GRIA1: variants seen among roughly 807,000 people sequenced by gnomAD.
The protein encoded by GRIA1 is glutamate receptor 1.
GRIA1 carries 31 observed loss-of-function variants against 99.2 expected under a neutral mutation model. That is an observed-to-expected ratio of 0.31 (90% CI 0.23 to 0.42). GRIA1 has a LOEUF of 0.42. Ranked by LOEUF, GRIA1 falls within the 10% of genes least tolerant of loss-of-function variation. GRIA1 has a pLI of 1.00. For synonymous variants in GRIA1, 438 were observed against 432.4 expected, an observed-to-expected ratio of 1.01 and a Z score of -0.16; for missense variants, 782 against 1,157.5, an observed-to-expected ratio of 0.68 and a Z score of 4.71.
intron 2 of GRIA1, among the ~76,000 whole-genome samples, chr5:153,555,290 A>T (rs963542524): frequency 6.6e-6 from 1 of 151,568 alleles, no homozygotes; most frequent in African/African-American, 2.4e-5. Context: ...TGATATACCT[A>T]ACTTTGAAGG....
At chr5:153,590,750 A>G (rs1763901804) in intron 2 of GRIA1, among the ~76,000 whole-genome samples, 1 of 152,174 alleles carries the variant, frequency 6.6e-6, no homozygotes, top group African/African-American at 2.4e-5. Flanking sequence ...TATCTATACC[A>G]AGTTATCATA....
chr5:153,613,960 CCT>C (rs1340526854), intron 2 of GRIA1, among the ~76,000 whole-genome samples: 2 of 152,188 alleles, frequency 1.3e-5, no homozygotes, highest in Admixed American at 1.3e-4. Context: ...TTCACACTGA[CCT>C]CTCCACTTCA....
intron 2 of GRIA1, among the ~76,000 whole-genome samples, chr5:153,638,956 C>T (rs551970423): frequency 3.1e-4 from 47 of 152,298 alleles, no homozygotes; most frequent in African/African-American, 1.0e-3. Context: ...GGCAGGAGGC[C>T]TGTGCAGGCT....
At chr5:153,699,801 A>G (rs1272802736) in intron 10 of GRIA1, among the ~76,000 whole-genome samples, 1 of 152,188 alleles carries the variant, frequency 6.6e-6, no homozygotes, top group Non-Finnish European at 1.5e-5. Flanking sequence ...CACAATTGCT[A>G]TAAAATCTTC....
chr5:153,647,094 G>A lies in GRIA1; in HGVS notation c.387G>A (p.Leu129=), dbSNP rs368159001. ...NQFVLQLRPE[L]QDALISIIDH... ...TTGTCCTTCAGCTGCGCCCTGAACT[G>A]CAGGATGCCCTCATCAGCATCATTG... Residue 129 remains leucine (L), a synonymous_variant, in exon 3 of 16, where the codon CTG becomes CTA. Coordinates refer to ENST00000285900, the MANE Select transcript of GRIA1 (RefSeq NM_000827.4). 1.5e-5 allele frequency: 25 copies of A among 1,613,746 alleles called. No homozygotes were observed. In the Middle Eastern group the frequency reaches 4.9e-4, roughly 32 times the overall value.
chr5:153,727,230 G>A (rs576228291), intron 11 of GRIA1, among the ~76,000 whole-genome samples: 186 of 152,150 alleles, frequency 1.2e-3, no homozygotes, highest in East Asian at 6.0e-3. Context: ...TTGATGGGAC[G>A]TATCTCAAAA....
intron 13 of GRIA1, among the ~76,000 whole-genome samples, chr5:153,791,467 A>G (rs897600168): frequency 1.3e-5 from 2 of 152,016 alleles, no homozygotes; most frequent in African/African-American, 2.4e-5. Flanking sequence ...AAGTTTAAAA[A>G]GGACTGAGTA....
intron 2 of GRIA1, among the ~76,000 whole-genome samples, chr5:153,520,054 T>G (rs940469858): frequency 4.1e-4 from 62 of 152,268 alleles, no homozygotes; most frequent in Non-Finnish European, 5.3e-4. Context: ...CAATAGCTAA[T>G]GTGTGTTAGG....
intron 11 of GRIA1, among the ~76,000 whole-genome samples, chr5:153,710,645 T>C (rs958023407): frequency 6.6e-6 from 1 of 152,192 alleles, no homozygotes; most frequent in Non-Finnish European, 1.5e-5. Flanking sequence ...CATTTCCCCA[T>C]GTGTGTGGTC....
intron 11 of GRIA1, among the ~76,000 whole-genome samples, chr5:153,735,168 C>G (rs1761297826): frequency 6.6e-6 from 1 of 152,088 alleles, no homozygotes; most frequent in African/African-American, 2.4e-5. Flanking sequence ...TAAAATAGAC[C>G]ATTACAGATT....
intron 15 of GRIA1, among the ~76,000 whole-genome samples, chr5:153,803,052 G>C (rs941762934): frequency 1.3e-5 from 2 of 152,178 alleles, no homozygotes; most frequent in African/African-American, 4.8e-5. Flanking sequence ...GGATTTAAGA[G>C]CTGTCTGTAA....
chr5:153,491,234 T>A, intron 1 of GRIA1: 1 of 1,321,484 alleles, frequency 7.6e-7, no homozygotes, highest in Non-Finnish European at 9.6e-7. Context: ...GGAGGAACCA[T>A]CGCTTTGGAG....
chr5:153,636,013 T>C (rs1476788660), intron 2 of GRIA1, among the ~76,000 whole-genome samples: 1 of 152,344 alleles, frequency 6.6e-6, no homozygotes. Context: ...TTGACTCTTG[T>C]ACAGAAATCA....
At chr5:153,802,639 C>A in intron 15 of GRIA1, 149 bp downstream of exon 15, 1 of 807,936 alleles carries the variant, frequency 1.2e-6, no homozygotes, top group Non-Finnish European at 2.1e-6. Flanking sequence ...AGGAAGGTGA[C>A]GGGGACAAAG....
At chr5:153,556,180 T>C (rs1225026330) in intron 2 of GRIA1, among the ~76,000 whole-genome samples, 1 of 152,212 alleles carries the variant, frequency 6.6e-6, no homozygotes, top group Non-Finnish European at 1.5e-5. Context: ...TTTTCAGAGC[T>C]TTTAATTGTT....
intron 8 of GRIA1, among the ~76,000 whole-genome samples, chr5:153,688,693 C>T (rs1757516565): frequency 6.6e-6 from 1 of 152,156 alleles, no homozygotes; most frequent in Admixed American, 6.5e-5. Context: ...ATGTGACCAT[C>T]TCCCCAAGGC....
At chr5:153,601,213 AT>A (rs1764926524) in intron 2 of GRIA1, among the ~76,000 whole-genome samples, 1 of 152,190 alleles carries the variant, frequency 6.6e-6, no homozygotes, top group African/African-American at 2.4e-5. Context: ...TGTTATCCCC[AT>A]TTTACAAGCA....
chr5:153,751,852 G>C (rs574566434), intron 11 of GRIA1, among the ~76,000 whole-genome samples: 1 of 152,286 alleles, frequency 6.6e-6, no homozygotes, highest in Admixed American at 6.5e-5. Flanking sequence ...TTTGCAAAAA[G>C]AGACAGCCTG....
chr5:153,533,219 C>T (rs17114750), intron 2 of GRIA1, among the ~76,000 whole-genome samples: 2,024 of 152,242 alleles, frequency 0.013, 141 homozygotes, highest in Admixed American at 0.093. Flanking sequence ...AGGCAAGTAT[C>T]GTGAATGGAG....
Sources: gnomAD v4.1 joint callset for allele counts (sites outside exome capture counted in the v4.1 genomes callset) on GRCh38, gnomAD v4.1.1 for gene constraint, MANE v1.5 for transcripts, NCBI Gene and HGNC (gene_info 2026-07-23, HGNC 2026-07-21) for gene names.